FCGRT: variants seen among roughly 807,000 people sequenced by gnomAD.
The protein encoded by FCGRT is Fc gamma receptor and transporter.
FCGRT carries 13 observed loss-of-function variants against 35.7 expected under a neutral mutation model. The observed-to-expected ratio is 0.36, with a 90% CI of 0.24 to 0.58. The LOEUF is 0.58. Among genes scored for constraint, FCGRT ranks in the 20% least tolerant of loss-of-function variants. The pLI is 0.77. For synonymous variants in FCGRT, 233 were observed against 216.5 expected (o/e 1.08, Z -0.67); for missense variants, 455 against 474.9 (o/e 0.96, Z 0.39).
chr19:49,514,730 G>C (rs2079997364), intron 4 of FCGRT, among the ~76,000 whole-genome samples: 1 of 136,054 alleles, frequency 7.4e-6, no homozygotes, highest in Non-Finnish European at 1.6e-5. Flanking sequence ...TTTCGCTCTT[G>C]TTGCCCAGGC....
At chr19:49,518,077 C>T (rs1437329553) in intron 4 of FCGRT, among the ~76,000 whole-genome samples, 1 of 152,132 alleles carries the variant, frequency 6.6e-6, no homozygotes, top group Non-Finnish European at 1.5e-5. Context: ...CTGCCCTCCT[C>T]AGCCTCCCAA....
rs1036474483 is a variant in FCGRT, at chr19:49,526,250, C to T, written c.*131C>T. On this transcript the variant is annotated 3_prime_UTR_variant, in exon 7 of 7. Transcript: ENST00000221466. ...CCTAGTTGTCCTCCCTCTGGAGCCC[C>T]GTCCTGTGGTCTGCCTCAGTTTCCC... 26 of 649,334 alleles carry T rather than the reference C, an allele frequency of 4.0e-5. No individual in the cohort carries two copies. The highest frequency in any genetic ancestry group is 3.3e-4 in the African/African-American group (18 of 55,318). The allele number at this position is 649,334 out of a possible 1,614,324, so 40.2% of individuals were successfully genotyped here.
chr19:49,517,629 C>T (rs1305472698), intron 4 of FCGRT, among the ~76,000 whole-genome samples: 1 of 152,094 alleles, frequency 6.6e-6, no homozygotes, highest in African/African-American at 2.4e-5. Context: ...CACGCACATC[C>T]TCACTCACTT....
rs1200260164 is a variant in FCGRT, at chr19:49,524,763, C to T, written c.858C>T (p.Leu286=). The change falls in exon 5 of 7, where the codon CTC becomes CTT. Residue 286 remains leucine (L), a synonymous_variant. Coordinates refer to ENST00000221466, the MANE Select transcript of FCGRT (RefSeq NM_001136019.3). The part of the protein sequence containing the change: ...IVQHAGLAQP[L]RVELESPAKS... ...AGCACGCGGGGCTGGCGCAGCCCCT[C>T]AGGGTGGAGCTGGGTGAGGTCCCGC... 1 of 1,600,154 alleles carries T rather than the reference C, an allele frequency of 6.2e-7. No individual in the cohort carries two copies. Among genetic ancestry groups the T allele is most frequent in the Non-Finnish European group, 8.5e-7 (1 of 1,179,706 alleles).
intron 2 of FCGRT, 199 bp from the exon 3 acceptor site, chr19:49,513,683 G>T (rs1031650410): frequency 1.8e-6 from 1 of 544,880 alleles, no homozygotes; most frequent in East Asian, 3.0e-5. Context: ...CTCTCTCTGG[G>T]TCTCTGTCCC....
intron 5 of FCGRT, 130 bp downstream of exon 5, chr19:49,524,906 A>G (rs1132990): frequency 0.21 from 202,886 of 948,328 alleles, 27,950 homozygotes; most frequent in African/African-American, 0.59. Context: ...CTTGAACCTC[A>G]CGCCTGTCAG....
chr19:49,525,094 C>T, intron 5 of FCGRT: 1 of 562,050 alleles, frequency 1.8e-6, no homozygotes, highest in East Asian at 3.7e-5. Context: ...TGGAATCTGA[C>T]CATTCGTTGT....
At chr19:49,517,178 G>A (rs892279854) in intron 4 of FCGRT, among the ~76,000 whole-genome samples, 2 of 151,538 alleles carry the variant, frequency 1.3e-5, no homozygotes, top group African/African-American at 2.4e-5. Context: ...GACAGAGCCA[G>A]ACCCTGTCTC....
Position 49,514,143 on chromosome 19 carries a change from C to A in FCGRT, c.325+10C>A, listed in dbSNP as rs1011965463. ...GCTTTGGGGGGAAAAGGTGAGATTC[C>A]GGTCTGGAGGGGCAAGGGGCCGGGT... On this transcript the variant is annotated intron_variant, in intron 3 of 6. Coordinates refer to ENST00000221466, the MANE Select transcript of FCGRT (RefSeq NM_001136019.3). 6.2e-7 allele frequency: 1 copy of A among 1,612,544 alleles called. No individual in the cohort carries two copies. Among genetic ancestry groups the A allele is most frequent in the South Asian group, 1.1e-5 (1 of 91,040 alleles).
intron 4 of FCGRT, among the ~76,000 whole-genome samples, chr19:49,521,465 G>A (rs1480879209): frequency 6.6e-6 from 1 of 151,782 alleles, no homozygotes; most frequent in Non-Finnish European, 1.5e-5. Context: ...AGCTACTCTG[G>A]AGGCTGAGGC....
At chr19:49,517,802 C>T (rs1485885102) in intron 4 of FCGRT, among the ~76,000 whole-genome samples, 1 of 152,112 alleles carries the variant, frequency 6.6e-6, no homozygotes, top group Non-Finnish European at 1.5e-5. Context: ...AAACAATTCT[C>T]CTGCCTCAGC....
chr19:49,513,854 C>T (rs777048416), intron 2 of FCGRT, 28 bp from the exon 3 acceptor site: 5 of 1,553,558 alleles, frequency 3.2e-6, no homozygotes, highest in Non-Finnish European at 4.3e-6. Flanking sequence ...CGCCCGTGTG[C>T]TCCCTTCAGC....
chr19:49,514,535 G>GC lies in FCGRT; in HGVS notation c.601+52dup, dbSNP rs1383237300. On this transcript the variant is annotated intron_variant, in intron 4 of 6. Transcript: ENST00000221466. ...GCTGTTCTGTCCTCTCTCCCGTCAT[G>GC]CCCACCTGCCTCAGTTCCCCTGCCA... 6.7e-6 allele frequency: 10 copies of GC among 1,485,188 alleles called. No homozygotes were observed. In the Admixed American group the frequency reaches 1.9e-4, roughly 28 times the overall value. The allele number at this position is 1,485,188 out of a possible 1,614,324, so 92.0% of individuals were successfully genotyped here.
At chr19:49,518,817 G>A (rs1054359809) in intron 4 of FCGRT, among the ~76,000 whole-genome samples, 1 of 152,040 alleles carries the variant, frequency 6.6e-6, no homozygotes, top group African/African-American at 2.4e-5. Context: ...TTACAGGCGT[G>A]AGCCACCGCG....
At chr19:49,525,310 A>T in intron 5 of FCGRT, 147 bp from the exon 6 acceptor site, 1 of 709,162 alleles carries the variant, frequency 1.4e-6, no homozygotes, top group Admixed American at 1.9e-5. Context: ...GTCTGCCCAG[A>T]TCGCCTGCCT....
Position 49,514,498 on chromosome 19 carries a change from C to A in FCGRT, c.601+12C>A. ...CCTGGAGTGGAAGGGTGAGCCGGAT[C>A]TGCAGCCGCAGGCTGTTCTGTCCTC... On this transcript the variant is annotated intron_variant, in intron 4 of 6. Coordinates refer to ENST00000221466, the MANE Select transcript of FCGRT (RefSeq NM_001136019.3). 6.5e-7 allele frequency: 1 copy of A among 1,534,854 alleles called. No individual in the cohort carries two copies. Among genetic ancestry groups the A allele is most frequent in the Non-Finnish European group, 8.8e-7 (1 of 1,138,920 alleles).
intron 4 of FCGRT, among the ~76,000 whole-genome samples, chr19:49,517,696 C>CT (rs2080016516): frequency 1.3e-5 from 2 of 151,912 alleles, no homozygotes; most frequent in Non-Finnish European, 1.5e-5. Context: ...GTGTTTTTTT[C>CT]TTTGTTTGTT....
chr19:49,514,395 G>C lies in FCGRT; in HGVS notation c.510G>C (p.Ala170=), dbSNP rs369173603. 3 of 1,607,944 alleles carry C rather than the reference G, an allele frequency of 1.9e-6. No individual in the cohort carries two copies. Among genetic ancestry groups the C allele is most frequent in the Non-Finnish European group, 2.6e-6 (3 of 1,175,876 alleles). ...AGCGGTGGCAGCAGCAGGACAAGGC[G>C]GCCAACAAGGAGCTCACCTTCCTGC... ...ISQRWQQQDK[A]ANKELTFLLF... The change falls in exon 4 of 7, where the codon GCG becomes GCC. Residue 170 remains alanine, a synonymous_variant. Coordinates refer to ENST00000221466, the MANE Select transcript of FCGRT (RefSeq NM_001136019.3).
chr19:49,513,535 G>T, intron 2 of FCGRT, 62 bp downstream of exon 2: 1 of 1,027,476 alleles, frequency 9.7e-7, no homozygotes, highest in Non-Finnish European at 1.3e-6. Flanking sequence ...GCCCCAGGCA[G>T]GCAGGGGCGA....
Sources: gnomAD v4.1 joint callset for allele counts (sites outside exome capture counted in the v4.1 genomes callset) on GRCh38, gnomAD v4.1.1 for gene constraint, MANE v1.5 for transcripts, NCBI Gene and HGNC (gene_info 2026-07-23, HGNC 2026-07-21) for gene names.